DNAH9: variants seen among roughly 807,000 people sequenced by gnomAD.
DNAH9 encodes DNAH9 variant protein.
DNAH9 carries 345 observed loss-of-function variants against 471.6 expected under a neutral mutation model. That is an observed-to-expected ratio of 0.73 (90% CI 0.67 to 0.80). The LOEUF (loss-of-function observed/expected upper bound fraction) is 0.80, where lower values mean the gene tolerates loss of function less well. Among genes scored for constraint, DNAH9 ranks in the 30% least tolerant of loss-of-function variants. The pLI, the probability that DNAH9 is intolerant of heterozygous loss-of-function variation, is 0.00. For missense variants in DNAH9, 5,407 were observed against 5,609.2 expected, an observed-to-expected ratio of 0.96 and a Z score of 1.15; for synonymous variants, 2,093 against 2,123.6, an observed-to-expected ratio of 0.99 and a Z score of 0.40.
At chr17:11,706,924 AG>A (rs1567735991) in intron 26 of DNAH9, among the ~76,000 whole-genome samples, 1 of 152,184 alleles carries the variant, frequency 6.6e-6, no homozygotes, top group Non-Finnish European at 1.5e-5. Flanking sequence ...TCAGCCATAA[AG>A]GAGTCAGAAT....
At chr17:11,812,056 C>CACAT (rs67306065) in intron 45 of DNAH9, among the ~76,000 whole-genome samples, 5,951 of 63,368 alleles carry the variant, frequency 0.094, 863 homozygotes, top group South Asian at 0.16. Context: ...TATATATATA[C>CACAT]ACATACATAC....
At chr17:11,928,268 G>C (rs1974396811) in intron 62 of DNAH9, among the ~76,000 whole-genome samples, 2 of 152,160 alleles carry the variant, frequency 1.3e-5, no homozygotes, top group South Asian at 4.1e-4. Flanking sequence ...ACTGCACCCA[G>C]TCCTACAAAA....
At chr17:11,881,704 C>T (rs753490041) in intron 55 of DNAH9, among the ~76,000 whole-genome samples, 1 of 151,982 alleles carries the variant, frequency 6.6e-6, no homozygotes, top group Admixed American at 6.6e-5. Context: ...GTCGGTAGTT[C>T]GAGACCAGCC....
rs1488367492 is a variant in DNAH9 at position 11,962,380 on chromosome 17, C to T, written c.13233+124C>T. ...CTTTTTCTCTAGCTAACCTTCTTTC[C>T]TTGAGGCCATCAGGCCATTTTTATT... On this transcript the variant is annotated intron_variant, in intron 68 of 68. Coordinates refer to ENST00000262442, the MANE Select transcript of DNAH9 (RefSeq NM_001372.4). The surrounding 1 kb of genome is among the most constrained non-coding windows in gnomAD (Gnocchi z 4.1). 7.1e-6 allele frequency: 10 copies of T among 1,413,438 alleles called. No individual in the cohort carries two copies. The highest frequency in any genetic ancestry group is 8.3e-6 in the Non-Finnish European group (9 of 1,078,930). 87.6% of individuals were successfully genotyped at this position (1,413,438 alleles called of 1,614,324 possible).
At chr17:11,601,540 A>G (rs1361267710) in intron 1 of DNAH9, among the ~76,000 whole-genome samples, 2 of 152,198 alleles carry the variant, frequency 1.3e-5, no homozygotes, top group Non-Finnish European at 1.5e-5. Flanking sequence ...ACCTAAATAA[A>G]TAACTTATTT....
chr17:11,613,639 A>G (rs995486756), intron 4 of DNAH9, among the ~76,000 whole-genome samples: 13 of 152,166 alleles, frequency 8.5e-5, no homozygotes, highest in Non-Finnish European at 1.9e-4. Flanking sequence ...TTTGAGGGTA[A>G]TAGCCCTGGT....
chr17:11,923,011 A>G (rs921129485), intron 61 of DNAH9, among the ~76,000 whole-genome samples: 1 of 152,082 alleles, frequency 6.6e-6, no homozygotes, highest in Non-Finnish European at 1.5e-5. Context: ...AATTAAGTGA[A>G]GAGGGAAGAG....
At chr17:11,822,158 C>A in intron 46 of DNAH9, 96 bp downstream of exon 46, 1 of 1,418,940 alleles carries the variant, frequency 7.0e-7, no homozygotes, top group Non-Finnish European at 9.5e-7. Context: ...TATTGATTGT[C>A]TAGAGTAGGT....
intron 61 of DNAH9, among the ~76,000 whole-genome samples, chr17:11,920,456 A>T (rs935034102): frequency 2.0e-5 from 3 of 151,388 alleles, no homozygotes; most frequent in African/African-American, 4.8e-5. Context: ...CCCTATCTCT[A>T]CTAAAAATAC....
intron 48 of DNAH9, among the ~76,000 whole-genome samples, chr17:11,824,891 TC>T (rs937381706): frequency 6.6e-6 from 1 of 151,926 alleles, no homozygotes; most frequent in Non-Finnish European, 1.5e-5. Flanking sequence ...CTCCTTCTCC[TC>T]CTCCTTCTCC....
intron 28 of DNAH9, among the ~76,000 whole-genome samples, chr17:11,737,180 T>C (rs2075361567): frequency 6.6e-6 from 1 of 152,242 alleles, no homozygotes; most frequent in African/African-American, 2.4e-5. Context: ...AGTTTCAAAC[T>C]AATTGCTGTG....
intron 48 of DNAH9, among the ~76,000 whole-genome samples, chr17:11,827,687 CTT>C (rs35848318): frequency 3.7e-4 from 55 of 146,934 alleles, no homozygotes; most frequent in Middle Eastern, 3.5e-3. Flanking sequence ...ATCCTTGGTT[CTT>C]TTTTTTTTTT....
chr17:11,890,315 T>A (rs1436329036), intron 57 of DNAH9, among the ~76,000 whole-genome samples: 1 of 152,052 alleles, frequency 6.6e-6, no homozygotes, highest in East Asian at 1.9e-4. Context: ...ATCTATCAAG[T>A]GAAGGTAACC....
At chr17:11,827,395 C>CGAA (rs1232890181) in intron 48 of DNAH9, among the ~76,000 whole-genome samples, 2 of 152,080 alleles carry the variant, frequency 1.3e-5, no homozygotes, top group Non-Finnish European at 2.9e-5. Flanking sequence ...TAGGGGAAGG[C>CGAA]GAAGGAGGAC....
intron 1 of DNAH9, among the ~76,000 whole-genome samples, chr17:11,600,672 G>A (rs964358524): frequency 1.8e-4 from 28 of 151,832 alleles, no homozygotes; most frequent in Non-Finnish European, 5.9e-5. Flanking sequence ...TTTTGAGGCA[G>A]GGTCTTGCTA....
intron 60 of DNAH9, among the ~76,000 whole-genome samples, chr17:11,905,040 T>C (rs539806474): frequency 3.9e-5 from 6 of 152,070 alleles, no homozygotes; most frequent in African/African-American, 1.4e-4. Flanking sequence ...GAGACCATCC[T>C]GGCCAACATG....
chr17:11,698,673 G>C (rs2150769032), intron 22 of DNAH9, among the ~76,000 whole-genome samples: 1 of 152,176 alleles, frequency 6.6e-6, no homozygotes, highest in East Asian at 1.9e-4. Flanking sequence ...CCAGCAGCTG[G>C]AGGGCCCTTT....
chr17:11,698,198 A>G lies in DNAH9; in HGVS notation c.4873-1533A>G, dbSNP rs1436228268. 5.0e-3 allele frequency among the ~76,000 whole-genome samples: 476 copies of G among 95,580 alleles called. 3 individuals are homozygous for G. Among genetic ancestry groups the G allele is most frequent in the Non-Finnish European group, 8.1e-3 (424 of 52,300 alleles). 62.7% of individuals were successfully genotyped at this position (95,580 alleles called of 152,430 possible). ...AATATATTATTATATTAATATAATA[A>G]TATATTAATAATATAATTATATTAA... On this transcript the variant is annotated intron_variant, in intron 22 of 68. Transcript: ENST00000262442.
At chr17:11,883,827 G>A in intron 56 of DNAH9, 77 bp downstream of exon 56, 3 of 1,465,484 alleles carry the variant, frequency 2.0e-6, no homozygotes, top group Non-Finnish European at 2.8e-6. Flanking sequence ...CTTAGACAAT[G>A]AGTCTGACTT....
Sources: allele counts gnomAD v4.1 joint callset (sites outside exome capture counted in the v4.1 genomes callset), GRCh38; gene constraint gnomAD v4.1.1; non-coding constraint Gnocchi (gnomAD v3.1); transcripts MANE v1.5; gene names NCBI Gene and HGNC (gene_info 2026-07-23, HGNC 2026-07-21).